SEMA3E: variants seen among roughly 807,000 people sequenced by gnomAD.
SEMA3E encodes semaphorin 3E.
In SEMA3E, 49 loss-of-function variants were observed where a neutral mutation model predicts 93.6. The ratio of observed to expected loss-of-function variants is 0.52; its 90% CI spans 0.42 to 0.66. SEMA3E has a LOEUF of 0.66. Ranked by LOEUF, SEMA3E falls within the 30% of genes least tolerant of loss-of-function variation. The probability of loss-of-function intolerance (pLI) is 0.00; values close to 1 mark genes in which losing one functional copy is unlikely to be tolerated. For missense variants in SEMA3E, 906 were observed against 964.8 expected, an observed-to-expected ratio of 0.94 and a Z score of 0.81; for synonymous variants, 363 against 330.7, an observed-to-expected ratio of 1.10 and a Z score of -1.06.
rs376283014 is a variant in SEMA3E, at chr7:83,537,910, C to T, written c.116-47636G>A. On this transcript the variant is annotated intron_variant, in intron 1 of 16. Coordinates refer to ENST00000643230, the MANE Select transcript of SEMA3E (RefSeq NM_012431.3). ...CTATTAATCTACCTTAATCTACTTG[C>T]TACTTTTTTCACTAGTCTCTATCAA... Among the ~76,000 whole-genome samples, 11 of 152,200 alleles carry T rather than the reference C, an allele frequency of 7.2e-5. 2 individuals carry two copies. Among genetic ancestry groups the T allele is most frequent in the East Asian group, 1.9e-4 (1 of 5,158 alleles).
chr7:83,437,622 G>A (rs1789031369), intron 4 of SEMA3E, among the ~76,000 whole-genome samples: 1 of 152,026 alleles, frequency 6.6e-6, no homozygotes, highest in African/African-American at 2.4e-5. Context: ...CTCTTAAAAT[G>A]TAAAAAGATA....
chr7:83,435,726 C>G (rs1230689002), intron 4 of SEMA3E, among the ~76,000 whole-genome samples: 2 of 152,154 alleles, frequency 1.3e-5, no homozygotes, highest in Non-Finnish European at 2.9e-5. Context: ...ATCAGATACT[C>G]TAAGTGAATG....
At chr7:83,591,572 A>G (rs1370125900) in intron 1 of SEMA3E, among the ~76,000 whole-genome samples, 1 of 151,988 alleles carries the variant, frequency 6.6e-6, no homozygotes, top group Non-Finnish European at 1.5e-5. Context: ...ACACATATAA[A>G]TTAAGAAAAT....
chr7:83,481,239 C>A (rs908779086), intron 2 of SEMA3E, among the ~76,000 whole-genome samples: 2 of 152,040 alleles, frequency 1.3e-5, no homozygotes, highest in Non-Finnish European at 2.9e-5. Context: ...TCTATCCATA[C>A]AAGATCCTGA....
chr7:83,417,002 CACACACACACACAGGG>C (rs972506153), intron 5 of SEMA3E, among the ~76,000 whole-genome samples: 81 of 66,264 alleles, frequency 1.2e-3, no homozygotes, highest in Non-Finnish European at 2.6e-3. Context: ...CACACACACA[CACACACACACACAGGG>C]AGAGAGAGAG....
chr7:83,465,497 C>A (rs979323269), intron 4 of SEMA3E, among the ~76,000 whole-genome samples: 14 of 152,132 alleles, frequency 9.2e-5, no homozygotes, highest in Non-Finnish European at 1.9e-4. Context: ...ATATTTGCAC[C>A]TGAGGGTTAA....
chr7:83,384,315 G>T (rs544060059), intron 16 of SEMA3E, among the ~76,000 whole-genome samples: 2 of 151,998 alleles, frequency 1.3e-5, no homozygotes, highest in Admixed American at 6.6e-5. Flanking sequence ...CCAAAACGAG[G>T]TGAAGCCTTC....
chr7:83,408,422 T>A lies in SEMA3E; in HGVS notation c.616A>T (p.Met206Leu). The A allele has an allele frequency of 6.2e-7, 1 of 1,613,834 alleles. No homozygotes were observed. The highest frequency in any genetic ancestry group is 8.5e-7 in the Non-Finnish European group (1 of 1,179,850). Residue 206 changes from methionine (M) to leucine (L), a missense_variant, in exon 6 of 17, where the codon ATG (methionine) becomes TTG (leucine). By Grantham distance (15) the Met-to-Leu change is conservative. Transcript: ENST00000643230. ...WSRDAAIFRS[M>L]GRLAHIRTEH... ...GTGCGGATATGGGCCAGTCGCCCCA[T>A]GCTGCGGAAGATCGCAGCGTCTCTG...
intron 2 of SEMA3E, among the ~76,000 whole-genome samples, chr7:83,479,506 T>C (rs1314953416): frequency 1.3e-5 from 2 of 152,218 alleles, no homozygotes; most frequent in Non-Finnish European, 2.9e-5. Context: ...AATACTTCTA[T>C]CCCTCACTTT....
Position 83,603,002 on chromosome 7 carries a change from G to A in SEMA3E, c.115+45426C>T, listed in dbSNP as rs946962662. Among the ~76,000 whole-genome samples the A allele has an allele frequency of 3.3e-5, 5 of 152,224 alleles. No homozygotes were observed. In the South Asian group the frequency reaches 1.0e-3, roughly 32 times the overall value. On this transcript the variant is annotated intron_variant, in intron 1 of 16. Coordinates refer to ENST00000643230, the MANE Select transcript of SEMA3E (RefSeq NM_012431.3). ...GTGTGCAATAAATATTTGTTAAATT[G>A]AATTGAGATTAAAACTTAACCTATC...
intron 2 of SEMA3E, among the ~76,000 whole-genome samples, chr7:83,476,292 T>G (rs1356430378): frequency 6.6e-6 from 1 of 152,196 alleles, no homozygotes; most frequent in Non-Finnish European, 1.5e-5. Flanking sequence ...GTTAAATGAA[T>G]AAAACAAGTA....
intron 1 of SEMA3E, among the ~76,000 whole-genome samples, chr7:83,490,580 A>G (rs2115978231): frequency 6.6e-6 from 1 of 152,150 alleles, no homozygotes; most frequent in South Asian, 2.1e-4. Flanking sequence ...AGCTCCTCTA[A>G]TGTATAATGG....
At chr7:83,459,457 A>T (rs1789563246) in intron 4 of SEMA3E, among the ~76,000 whole-genome samples, 1 of 152,324 alleles carries the variant, frequency 6.6e-6, no homozygotes, top group African/African-American at 2.4e-5. Flanking sequence ...CTGTGTATAT[A>T]CATACACACG....
At chr7:83,469,196 A>C (rs372576318) in intron 3 of SEMA3E, 47 bp downstream of exon 3, 18 of 1,411,052 alleles carry the variant, frequency 1.3e-5, no homozygotes, top group Non-Finnish European at 1.7e-5. Flanking sequence ...GTGGTTAACT[A>C]GGGATATAAT....
Position 83,506,653 on chromosome 7 carries a change from G to T in SEMA3E, c.116-16379C>A, listed in dbSNP as rs73376765. On this transcript the variant is annotated intron_variant, in intron 1 of 16. Coordinates refer to ENST00000643230, the MANE Select transcript of SEMA3E (RefSeq NM_012431.3). The stretch of plus-strand genomic sequence containing the variant: ...AATGAGAAAATATAACTTAGGTCAT[G>T]CTAAAATTAGAAGAACTGAAAGATT... Among the ~76,000 whole-genome samples, 251 of 152,180 alleles carry T rather than the reference G, an allele frequency of 1.6e-3. 1 individual carries two copies. Among genetic ancestry groups the T allele is most frequent in the African/African-American group, 5.9e-3 (244 of 41,532 alleles).
Position 83,367,794 on chromosome 7 carries a change from T to G in SEMA3E, c.2120A>C (p.Lys707Thr), listed in dbSNP as rs766434272. 1 of 1,614,084 alleles carries G rather than the reference T, an allele frequency of 6.2e-7. No individual in the cohort carries two copies. The highest frequency in any genetic ancestry group is 1.7e-4 in the Middle Eastern group (1 of 6,060). Reference protein sequence around the residue: ...PAQSSISQGAKPWYKEFLQLI... With the variant: ...PAQSSISQGATPWYKEFLQLI... The stretch of plus-strand genomic sequence containing the variant: ...CTGCAAGAATTCCTTGTACCATGGT[T>G]TTGCTCCCTGCGAGATGCTACTCTG... Residue 707 changes from lysine to threonine, a missense_variant, in exon 17 of 17, where the codon AAA becomes ACA. Transcript: ENST00000643230.
chr7:83,476,725 T>C (rs1377589058), intron 2 of SEMA3E, among the ~76,000 whole-genome samples: 1 of 152,206 alleles, frequency 6.6e-6, no homozygotes, highest in Non-Finnish European at 1.5e-5. Context: ...GCAGTCAGGA[T>C]GCCTTTTGGT....
rs971096706 is a variant in SEMA3E, at chr7:83,366,119, A to C, written c.*1467T>G. On this transcript the variant is annotated 3_prime_UTR_variant, in exon 17 of 17. Transcript: ENST00000643230. ...TACAATGAAATTGCAAGTGATTATGAGCACTTTAACTTAAATGTATAACCT... is the reference window on the plus strand; with the variant it reads ...TACAATGAAATTGCAAGTGATTATGCGCACTTTAACTTAAATGTATAACCT... 3 of 152,120 alleles carry C rather than the reference A, an allele frequency of 2.0e-5. No homozygotes were observed. Among genetic ancestry groups the C allele is most frequent in the African/African-American group, 7.2e-5 (3 of 41,460 alleles). The allele number at this position is 152,120 out of a possible 1,614,324, so 9.4% of individuals were successfully genotyped here. A position where few individuals can be genotyped will look rare whatever the true frequency, so the allele number is the denominator to read the frequency against.
intron 2 of SEMA3E, among the ~76,000 whole-genome samples, chr7:83,489,479 T>C (rs1272682209): frequency 6.6e-6 from 1 of 151,990 alleles, no homozygotes; most frequent in Non-Finnish European, 1.5e-5. Context: ...TATTACATAA[T>C]ACATGCACTT....
Sources: allele counts gnomAD v4.1 joint callset (sites outside exome capture counted in the v4.1 genomes callset), GRCh38; gene constraint gnomAD v4.1.1; transcripts MANE v1.5; gene names NCBI Gene and HGNC (gene_info 2026-07-23, HGNC 2026-07-21).